Variants in HERC1 observed in about 807,000 individuals in gnomAD.
HERC1 encodes the protein HECT and RLD domain containing E3 ubiquitin protein ligase family member 1.
HERC1 carries 160 observed loss-of-function variants against 554.3 expected under a neutral mutation model. That is an observed-to-expected ratio of 0.29 (90% CI 0.25 to 0.33). HERC1 has a LOEUF of 0.33. Ranked by LOEUF, HERC1 falls within the 10% of genes least tolerant of loss-of-function variation. HERC1 has a pLI of 1.00. For missense variants in HERC1, 4,919 were observed against 5,918.5 expected (o/e 0.83, Z 5.54); for synonymous variants, 2,175 against 2,131.7 (o/e 1.02, Z -0.56).
At chr15:63,813,266 T>C (rs74019030) in intron 1 of HERC1, among the ~76,000 whole-genome samples, 4,033 of 151,350 alleles carry the variant, frequency 0.027, 70 homozygotes, top group African/African-American at 0.051. Context: ...ACACAACAGG[T>C]TCTTTTCCCT....
intron 19 of HERC1, among the ~76,000 whole-genome samples, chr15:63,721,387 G>A (rs1567051420): frequency 6.6e-6 from 1 of 152,102 alleles, no homozygotes; most frequent in Non-Finnish European, 1.5e-5. Context: ...TTAGCTGGGT[G>A]TGGTGGTGCA....
rs1337227892 is a variant in HERC1, at chr15:63,652,501, G to A, written c.10331C>T (p.Ala3444Val). 1.2e-6 allele frequency: 2 copies of A among 1,606,144 alleles called. No homozygotes were observed. The highest frequency in any genetic ancestry group is 8.5e-7 in the Non-Finnish European group (1 of 1,175,500). Residue 3444 changes from alanine (A) to valine (V), a missense_variant, in exon 52 of 78, where the codon GCT (alanine) becomes GTT (valine). Physicochemically the swap from Ala to Val is moderately conservative, Grantham distance 64 (BLOSUM62 0). Transcript: ENST00000443617. ...CVWCNKKGLL[A>V]TSGNDGTIRV... ...GATGGTGCCATCATTGCCACTTGTA[G>A]CCAAAAGACCTTTTTTATTACACCA... is the stretch of plus-strand genomic sequence containing the variant.
At chr15:63,766,375 G>C (rs1387109179) in intron 2 of HERC1, among the ~76,000 whole-genome samples, 5 of 151,986 alleles carry the variant, frequency 3.3e-5, no homozygotes, top group African/African-American at 1.2e-4. Context: ...ATCACTTGAG[G>C]TCAGGAGTTC....
intron 76 of HERC1, among the ~76,000 whole-genome samples, chr15:63,613,373 T>C (rs2067683892): frequency 6.6e-6 from 1 of 152,158 alleles, no homozygotes; most frequent in Admixed American, 6.5e-5. Flanking sequence ...CCTTGACAGC[T>C]TGTTTAGAAA....
At chr15:63,830,375 C>A (rs1186703051) in intron 1 of HERC1, among the ~76,000 whole-genome samples, 3 of 151,980 alleles carry the variant, frequency 2.0e-5, no homozygotes, top group African/African-American at 7.3e-5. Context: ...CAGACAAACC[C>A]AAAATGAAAG....
At chr15:63,753,271 C>G (rs1281741312) in intron 7 of HERC1, among the ~76,000 whole-genome samples, 186 bp from the exon 8 acceptor site, 3 of 152,146 alleles carry the variant, frequency 2.0e-5, no homozygotes, top group African/African-American at 7.2e-5. Flanking sequence ...TTAACAACCA[C>G]TGATAGCCTT....
At chr15:63,658,156 T>G (rs1213185214) in intron 48 of HERC1, among the ~76,000 whole-genome samples, 1 of 152,154 alleles carries the variant, frequency 6.6e-6, no homozygotes, top group African/African-American at 2.4e-5. Flanking sequence ...CTTTTTACAT[T>G]ACACTCCACA....
chr15:63,637,655 A>T lies in HERC1; in HGVS notation c.12094-12T>A. On this transcript the variant is annotated splice_polypyrimidine_tract_variant and intron_variant, in intron 63 of 77. Transcript: ENST00000443617. ...TGACCACAAATGACCTAGTATAAAA[A>T]CACAGAATTAAATATTTTATTCTTT... The T allele has an allele frequency of 6.5e-7, 1 of 1,541,722 alleles. No homozygotes were observed. Among genetic ancestry groups the T allele is most frequent in the Non-Finnish European group, 8.8e-7 (1 of 1,141,726 alleles).
intron 1 of HERC1, among the ~76,000 whole-genome samples, chr15:63,797,836 A>G (rs1216021192): frequency 1.3e-5 from 2 of 152,272 alleles, no homozygotes; most frequent in Non-Finnish European, 1.5e-5. Flanking sequence ...AATCCGTAAG[A>G]TAGTTATTAA....
intron 7 of HERC1, 86 bp from the exon 8 acceptor site, chr15:63,753,171 A>T: frequency 1.0e-6 from 1 of 960,268 alleles, no homozygotes; most frequent in Non-Finnish European, 1.4e-6. Context: ...AAGGAGCTCT[A>T]ATGTTTCCAT....
At chr15:63,647,748 CAGAA>C (rs1310869185) in intron 55 of HERC1, among the ~76,000 whole-genome samples, 1 of 152,038 alleles carries the variant, frequency 6.6e-6, no homozygotes, top group African/African-American at 2.4e-5. Flanking sequence ...AAGTCAGACA[CAGAA>C]AGGCAAATAT....
At chr15:63,640,515 G>C (rs527584840) in intron 60 of HERC1, 70 bp from the exon 61 acceptor site, 4 of 1,214,188 alleles carry the variant, frequency 3.3e-6, no homozygotes, top group South Asian at 1.5e-5. Flanking sequence ...ACCTACCGTA[G>C]TCTGAAAGTC....
intron 2 of HERC1, among the ~76,000 whole-genome samples, chr15:63,770,728 T>G (rs1422779884): frequency 2.0e-5 from 3 of 152,180 alleles, no homozygotes; most frequent in Non-Finnish European, 4.4e-5. Context: ...ACTCAATAGA[T>G]GGTTATGTGT....
At chr15:63,780,101 G>C (rs2076245268) in intron 1 of HERC1, 1 of 151,036 alleles carries the variant, frequency 6.6e-6, no homozygotes, top group South Asian at 2.1e-4. Flanking sequence ...AATTGCATTA[G>C]ATTTATGTAC....
At chr15:63,674,295 A>T (rs1420397112) in intron 38 of HERC1, 47 bp downstream of exon 38, 3 of 1,469,488 alleles carry the variant, frequency 2.0e-6, no homozygotes, top group Non-Finnish European at 2.7e-6. Context: ...TTATGAAAAT[A>T]ATCTCAACAG....
chr15:63,690,445 G>C, intron 32 of HERC1, 96 bp downstream of exon 32: 1 of 733,556 alleles, frequency 1.4e-6, no homozygotes, highest in Non-Finnish European at 2.3e-6. Flanking sequence ...TTGAATAAAA[G>C]ACACATTTAC....
intron 1 of HERC1, among the ~76,000 whole-genome samples, chr15:63,796,657 T>C (rs1190994998): frequency 6.6e-6 from 1 of 152,152 alleles, no homozygotes; most frequent in African/African-American, 2.4e-5. Context: ...TAGGGAGACA[T>C]GGGATATCAA....
chr15:63,709,216 T>G (rs1452354033), intron 24 of HERC1, among the ~76,000 whole-genome samples: 1 of 151,738 alleles, frequency 6.6e-6, no homozygotes, highest in Non-Finnish European at 1.5e-5. Flanking sequence ...AGGCTGGTCT[T>G]GAACTGCTGG....
At chr15:63,623,956 T>C (rs1017428878) in intron 72 of HERC1, 66 bp from the exon 73 acceptor site, 3 of 1,536,324 alleles carry the variant, frequency 2.0e-6, no homozygotes, top group Admixed American at 3.5e-5. Flanking sequence ...TCACATGATA[T>C]CTTCCCATCA....
Sources: gnomAD v4.1 joint callset for allele counts (sites outside exome capture counted in the v4.1 genomes callset) on GRCh38, gnomAD v4.1.1 for gene constraint, MANE v1.5 for transcripts, NCBI Gene and HGNC (gene_info 2026-07-23, HGNC 2026-07-21) for gene names.